Variants in AGMO observed in about 807,000 individuals in gnomAD.
AGMO encodes alkylglycerol monooxygenase.
In AGMO, 75 loss-of-function variants were observed where a neutral mutation model predicts 60.2. That is an observed-to-expected ratio of 1.25 (90% CI 1.03 to 1.51). The LOEUF is 1.51. AGMO is among the 40% of genes most tolerant of loss of function. AGMO has a pLI of 0.00. For missense variants in AGMO, 763 were observed against 525.5 expected, an observed-to-expected ratio of 1.45 and a Z score of -4.42; for synonymous variants, 261 against 177.1, an observed-to-expected ratio of 1.47 and a Z score of -3.76.
At chr7:15,487,452 T>A (rs2128519768) in intron 3 of AGMO, among the ~76,000 whole-genome samples, 1 of 152,216 alleles carries the variant, frequency 6.6e-6, no homozygotes, top group Non-Finnish European at 1.5e-5. Context: ...ATAGTAAAGA[T>A]TAAGATTACA....
chr7:15,260,108 A>G (rs1783224633), intron 12 of AGMO, among the ~76,000 whole-genome samples: 1 of 151,598 alleles, frequency 6.6e-6, no homozygotes, highest in African/African-American at 2.4e-5. Flanking sequence ...TTGAATTTAA[A>G]TGGCCTAAAT....
At position 15,335,242 on chromosome 7, in the gene AGMO, T is replaced by C. The variant is rs140263828; in HGVS notation, c.1263+30272A>G. On this transcript the variant is annotated intron_variant, in intron 12 of 12. Coordinates refer to ENST00000342526, the MANE Select transcript of AGMO (RefSeq NM_001004320.2). Reference sequence around the variant, plus strand: ...TTGATAGAGCTGGATGTGGAATTCATGCATTTAGCTATTGTTAATGAATAG... The same window carrying C: ...TTGATAGAGCTGGATGTGGAATTCACGCATTTAGCTATTGTTAATGAATAG... Among the ~76,000 whole-genome samples the C allele has an allele frequency of 6.4e-3, 975 of 152,278 alleles. 3 individuals carry two copies. The highest frequency in any genetic ancestry group is 0.017 in the South Asian group (82 of 4,826).
At chr7:15,175,691 GATA>G in the AGMO span, among the ~76,000 whole-genome samples, 11 of 151,888 alleles carry the variant, frequency 7.2e-5, no homozygotes, top group East Asian at 1.9e-4. Context: ...ATTTTTAAAT[GATA>G]ATAACATTAG....
At chr7:15,534,182 G>C (rs80113770) in intron 3 of AGMO, among the ~76,000 whole-genome samples, 3,325 of 151,924 alleles carry the variant, frequency 0.022, 48 homozygotes, top group Middle Eastern at 0.037. Flanking sequence ...TTCTCGAAAA[G>C]ACATTTCAAT....
At chr7:15,358,995 T>C (rs955054942) in intron 12 of AGMO, among the ~76,000 whole-genome samples, 1 of 152,178 alleles carries the variant, frequency 6.6e-6, no homozygotes, top group Admixed American at 6.5e-5. Flanking sequence ...TATAAGGATT[T>C]TATTTTCAGA....
intron 12 of AGMO, among the ~76,000 whole-genome samples, chr7:15,303,369 A>C (rs947166768): frequency 2.0e-5 from 3 of 152,050 alleles, no homozygotes; most frequent in Admixed American, 2.0e-4. Context: ...TTAACATAGA[A>C]AAATACTAGC....
At chr7:15,525,765 G>A (rs1784113445) in intron 3 of AGMO, among the ~76,000 whole-genome samples, 1 of 152,112 alleles carries the variant, frequency 6.6e-6, no homozygotes, top group Non-Finnish European at 1.5e-5. Flanking sequence ...GGAGCCCCAG[G>A]CTGGAGAGGG....
At chr7:15,163,709 G>C in the AGMO span, among the ~76,000 whole-genome samples, 1 of 151,882 alleles carries the variant, frequency 6.6e-6, no homozygotes, top group Non-Finnish European at 1.5e-5. Flanking sequence ...TTATATGTTG[G>C]ATTCAGTTTG....
chr7:15,436,784 A>T (rs1284045102), intron 3 of AGMO, among the ~76,000 whole-genome samples: 1 of 152,158 alleles, frequency 6.6e-6, no homozygotes, highest in Admixed American at 6.5e-5. Context: ...AATGGAGGTG[A>T]CTGGGTCCAA....
chr7:15,514,023 C>A (rs1220126596), intron 3 of AGMO, among the ~76,000 whole-genome samples: 1 of 152,118 alleles, frequency 6.6e-6, no homozygotes, highest in Non-Finnish European at 1.5e-5. Context: ...GGATCTCAAT[C>A]TCTCTCAAAG....
chr7:15,441,374 T>C (rs1308399523), intron 3 of AGMO, among the ~76,000 whole-genome samples: 5 of 152,228 alleles, frequency 3.3e-5, no homozygotes, highest in Non-Finnish European at 5.9e-5. Context: ...CTTAATGAAA[T>C]CGAATTCTGG....
At chr7:15,422,399 A>G (rs78017190) in intron 4 of AGMO, among the ~76,000 whole-genome samples, 51 of 152,238 alleles carry the variant, frequency 3.4e-4, no homozygotes, top group African/African-American at 1.2e-3. Context: ...AAAAAACAGT[A>G]AGGTAAGAGC....
chr7:15,179,971 G>A, the AGMO span, among the ~76,000 whole-genome samples: 2 of 152,166 alleles, frequency 1.3e-5, no homozygotes, highest in Admixed American at 6.5e-5. Context: ...GGCTCTGAGT[G>A]GCAAACCTAT....
the AGMO span, among the ~76,000 whole-genome samples, chr7:15,142,080 G>A: frequency 6.6e-6 from 1 of 152,080 alleles, no homozygotes; most frequent in African/African-American, 2.4e-5. Flanking sequence ...GTGGGTTTCA[G>A]TATCAAGGTC....
At chr7:15,216,946 G>C (rs1052086844) in intron 12 of AGMO, among the ~76,000 whole-genome samples, 2 of 151,668 alleles carry the variant, frequency 1.3e-5, no homozygotes, top group African/African-American at 4.8e-5. Context: ...CCCTCAAAGG[G>C]GCTGGGACTT....
intron 8 of AGMO, among the ~76,000 whole-genome samples, chr7:15,389,474 A>C (rs1037152028): frequency 6.6e-6 from 1 of 152,320 alleles, no homozygotes; most frequent in South Asian, 2.1e-4. Flanking sequence ...TAGTAAGTTT[A>C]ATCAAGATAC....
At chr7:15,321,764 G>T (rs897535995) in intron 12 of AGMO, among the ~76,000 whole-genome samples, 3 of 151,976 alleles carry the variant, frequency 2.0e-5, no homozygotes, top group African/African-American at 7.2e-5. Context: ...AGGTTTTTCT[G>T]TAACTTGAAC....
intron 12 of AGMO, among the ~76,000 whole-genome samples, chr7:15,273,586 G>A (rs189739207): frequency 6.6e-6 from 1 of 152,156 alleles, no homozygotes; most frequent in Non-Finnish European, 1.5e-5. Context: ...TTTGGCTTAG[G>A]ATTGACTTGG....
chr7:15,494,947 T>G (rs1237630974), intron 3 of AGMO, among the ~76,000 whole-genome samples: 1 of 152,196 alleles, frequency 6.6e-6, no homozygotes, highest in Non-Finnish European at 1.5e-5. Flanking sequence ...AAGAAAGACA[T>G]TTTTACAATT....
Sources: gnomAD v4.1 joint callset for allele counts (sites outside exome capture counted in the v4.1 genomes callset) on GRCh38, gnomAD v4.1.1 for gene constraint, MANE v1.5 for transcripts, NCBI Gene and HGNC (gene_info 2026-07-23, HGNC 2026-07-21) for gene names.